SYNPR: variants seen among roughly 807,000 people sequenced by gnomAD.
SYNPR encodes synaptoporin.
SYNPR carries 23 observed loss-of-function variants against 32.9 expected under a neutral mutation model. That is an observed-to-expected ratio of 0.70 (90% CI 0.50 to 0.99). The LOEUF is 0.99. Ranked by LOEUF, SYNPR falls within the 50% of genes least tolerant of loss-of-function variation. The probability of loss-of-function intolerance (pLI) is 0.00; values close to 1 mark genes in which losing one functional copy is unlikely to be tolerated. For missense variants in SYNPR, 318 were observed against 349.3 expected, an observed-to-expected ratio of 0.91 and a Z score of 0.71; for synonymous variants, 146 against 135.9, an observed-to-expected ratio of 1.07 and a Z score of -0.52.
At chr3:63,320,985 A>C (rs144016217) in intron 2 of SYNPR, among the ~76,000 whole-genome samples, 3 of 152,198 alleles carry the variant, frequency 2.0e-5, no homozygotes, top group Non-Finnish European at 4.4e-5. Context: ...AAGCCTTAAC[A>C]GTGCTAGAAA....
intron 3 of SYNPR, among the ~76,000 whole-genome samples, chr3:63,549,443 T>G (rs531651860): frequency 6.6e-6 from 1 of 152,274 alleles, no homozygotes; most frequent in East Asian, 1.9e-4. Context: ...CTTACATTCC[T>G]GACTCATCTC....
At position 63,237,043 on chromosome 3, in the gene SYNPR, T is replaced by G. The variant is rs554276382; in HGVS notation, n.66+8663T>G. On this transcript the variant is annotated intron_variant and non_coding_transcript_variant, in intron 1 of 4. Transcript: ENST00000478456. ...AGGCAATTCCCCTTTACTCCCAACT[T>G]GGTAACAGTGTTTATTATAAATGGG... Among the ~76,000 whole-genome samples, 7 of 152,292 alleles carry G rather than the reference T, an allele frequency of 4.6e-5. No individual in the cohort carries two copies. In the South Asian group the frequency reaches 1.5e-3, roughly 32 times the overall value.
At position 63,361,523 on chromosome 3, in the gene SYNPR, G is replaced by A. The variant is rs371615730; in HGVS notation, c.84+82781G>A. Among the ~76,000 whole-genome samples the A allele has an allele frequency of 6.6e-5, 10 of 151,606 alleles. No individual in the cohort carries two copies. The East Asian group carries it at 9.7e-4, about 15-fold the overall frequency. On this transcript the variant is annotated intron_variant, in intron 2 of 5. Transcript: ENST00000478300. ...TGAGGCAAGAGAATGGTGTGAACCCGGGAGGCGGAGCTTGCAGTGAGCAGA... is the reference window on the plus strand; with the variant it reads ...TGAGGCAAGAGAATGGTGTGAACCCAGGAGGCGGAGCTTGCAGTGAGCAGA...
intron 2 of SYNPR, among the ~76,000 whole-genome samples, chr3:63,422,805 A>G (rs994462462): frequency 6.6e-6 from 1 of 152,168 alleles, no homozygotes; most frequent in East Asian, 1.9e-4. Flanking sequence ...CTATATAGAT[A>G]TTGCAGAGAA....
chr3:63,457,067 G>A (rs1039655974), intron 2 of SYNPR, among the ~76,000 whole-genome samples: 6 of 152,052 alleles, frequency 3.9e-5, no homozygotes, highest in African/African-American at 1.4e-4. Flanking sequence ...AGCTTTGCCT[G>A]TTTCTCCCTA....
At chr3:63,504,786 T>G (rs1407759059) in intron 3 of SYNPR, among the ~76,000 whole-genome samples, 1 of 152,126 alleles carries the variant, frequency 6.6e-6, no homozygotes, top group East Asian at 1.9e-4. Flanking sequence ...TCAAAGACTA[T>G]CGAGGTTAAT....
chr3:63,234,019 GA>G (rs2086183336), intron 1 of SYNPR, among the ~76,000 whole-genome samples: 1 of 152,204 alleles, frequency 6.6e-6, no homozygotes, highest in Non-Finnish European at 1.5e-5. Flanking sequence ...GGTGTGTGGT[GA>G]AATGGGTGTA....
intron 1 of SYNPR, among the ~76,000 whole-genome samples, chr3:63,245,995 G>A (rs1259391478): frequency 6.6e-6 from 1 of 151,954 alleles, no homozygotes; most frequent in Non-Finnish European, 1.5e-5. Context: ...GTTACCCACT[G>A]GGAATAAGTG....
intron 3 of SYNPR, among the ~76,000 whole-genome samples, chr3:63,553,574 C>G (rs1177473626): frequency 6.6e-6 from 1 of 152,168 alleles, no homozygotes; most frequent in African/African-American, 2.4e-5. Flanking sequence ...GTCTTGTCAG[C>G]ATCTGTTGGT....
chr3:63,278,589 G>C, intron 1 of SYNPR, 38 bp downstream of exon 1: 1 of 1,550,686 alleles, frequency 6.4e-7, no homozygotes, highest in Non-Finnish European at 8.7e-7. Flanking sequence ...GCTGGGAGCA[G>C]GGGGCGGGGG....
intron 1 of SYNPR, among the ~76,000 whole-genome samples, chr3:63,243,478 C>T (rs2086262957): frequency 6.6e-6 from 1 of 151,984 alleles, no homozygotes; most frequent in South Asian, 2.1e-4. Flanking sequence ...GAGGGAGATA[C>T]TTCTGCTATT....
At chr3:63,446,253 C>T (rs192577807) in intron 2 of SYNPR, among the ~76,000 whole-genome samples, 1 of 151,322 alleles carries the variant, frequency 6.6e-6, no homozygotes, top group Admixed American at 6.6e-5. Flanking sequence ...ACAAAATTCT[C>T]ACCTTCCCTT....
At position 63,435,083 on chromosome 3, in the gene SYNPR, A is replaced by T. The variant is rs139944724; in HGVS notation, c.85-45749A>T. 1.3e-3 allele frequency among the ~76,000 whole-genome samples: 204 copies of T among 152,326 alleles called. 1 individual carries two copies. The highest frequency in any genetic ancestry group is 2.4e-3 in the Non-Finnish European group (161 of 68,034). ...TTGTTTTAATCTCTAAACAACTGTC[A>T]GGAAGGAAATGCCCATCTCCCACCT... On this transcript the variant is annotated intron_variant, in intron 2 of 5. Transcript: ENST00000478300.
chr3:63,430,163 T>C (rs1044737684), intron 2 of SYNPR, among the ~76,000 whole-genome samples: 1 of 152,178 alleles, frequency 6.6e-6, no homozygotes, highest in African/African-American at 2.4e-5. Context: ...ATGACCTGAG[T>C]GAATAAATAA....
chr3:63,533,275 T>TCTCCTCTTAC (rs1702141865), intron 3 of SYNPR, among the ~76,000 whole-genome samples: 1 of 152,038 alleles, frequency 6.6e-6, no homozygotes. Context: ...AATGTCACTA[T>TCTCCTCTTAC]CTCCTCTTAC....
chr3:63,546,678 G>A (rs756354628), intron 3 of SYNPR, among the ~76,000 whole-genome samples: 2 of 151,494 alleles, frequency 1.3e-5, no homozygotes, highest in Non-Finnish European at 2.9e-5. Flanking sequence ...ATGGTAAAGT[G>A]GAGAGGACAA....
Position 63,595,720 on chromosome 3 carries a change from TATATATATATATATATATA to T in SYNPR, c.409-13404_409-13386del, listed in dbSNP as rs1699923697. On this transcript the variant is annotated intron_variant, in intron 4 of 5. Coordinates refer to ENST00000478300, the MANE Select transcript of SYNPR (RefSeq NM_001130003.2). ...GGTGGGACTTCTGAATCTTATTTTA[TATATATATATATATATATA>T]TATATATATATATATATATATATAT... Among the ~76,000 whole-genome samples, 40 of 9,750 alleles carry T rather than the reference TATATATATATATATATATA, an allele frequency of 4.1e-3. 5 individuals carry two copies. In the South Asian group the frequency reaches 0.13, roughly 31 times the overall value. 6.4% of individuals were successfully genotyped at this position (9,750 alleles called of 152,430 possible). A position where few individuals can be genotyped will look rare whatever the true frequency, so the allele number is the denominator to read the frequency against.
chr3:63,299,888 G>A (rs2086825937), intron 2 of SYNPR, among the ~76,000 whole-genome samples: 1 of 152,102 alleles, frequency 6.6e-6, no homozygotes, highest in Non-Finnish European at 1.5e-5. Flanking sequence ...TATAGGTGGT[G>A]ACAGTCATTT....
chr3:63,251,784 G>A (rs1447973584), intron 1 of SYNPR, among the ~76,000 whole-genome samples: 1 of 151,758 alleles, frequency 6.6e-6, no homozygotes, highest in East Asian at 2.0e-4. Context: ...AACAACCAAG[G>A]AGAAGATGCC....
Sources: allele counts gnomAD v4.1 joint callset (sites outside exome capture counted in the v4.1 genomes callset), GRCh38; gene constraint gnomAD v4.1.1; transcripts MANE v1.5; gene names NCBI Gene and HGNC (gene_info 2026-07-23, HGNC 2026-07-21).